The following PIGN variants were observed in gnomAD, a reference collection of about 807,000 sequenced individuals.
PIGN encodes the protein GPI ethanolamine phosphate transferase 1.
In PIGN, 117 loss-of-function variants were observed where a neutral mutation model predicts 125.4. The observed-to-expected ratio is 0.93, with a 90% CI of 0.80 to 1.09. The LOEUF is 1.09. Ranked by LOEUF, PIGN falls within the 50% of genes least tolerant of loss-of-function variation. The pLI, the probability that PIGN is intolerant of heterozygous loss-of-function variation, is 0.00. For missense variants in PIGN, 1,075 were observed against 1,094.9 expected (o/e 0.98, Z 0.26); for synonymous variants, 392 against 377.8 (o/e 1.04, Z -0.44).
chr18:62,036,216 C>CTTT (rs905415461), downstream of PIGN, among the ~76,000 whole-genome samples: 1 of 151,164 alleles, frequency 6.6e-6, no homozygotes, highest in African/African-American at 2.4e-5. Context: ...AGTTTTTTTT[C>CTTT]TTTTTTTTTC....
chr18:62,085,001 G>A (rs968298929), intron 26 of PIGN, among the ~76,000 whole-genome samples: 1 of 151,998 alleles, frequency 6.6e-6, no homozygotes. Context: ...CCAGCTACTC[G>A]GGAGGCTGAG....
chr18:62,145,868 T>G (rs775537717), intron 10 of PIGN, 41 bp downstream of exon 10: 22 of 965,372 alleles, frequency 2.3e-5, no homozygotes, highest in African/African-American at 1.6e-5. Flanking sequence ...GTTCTTATTT[T>G]AAGAGGTTGT....
intron 1 of PIGN, among the ~76,000 whole-genome samples, chr18:62,179,112 G>T (rs2037627870): frequency 6.6e-6 from 1 of 152,114 alleles, no homozygotes; most frequent in Non-Finnish European, 1.5e-5. Flanking sequence ...TGGGGTTATG[G>T]GTTCAGGAGA....
chr18:62,140,454 GAAGT>G lies in PIGN; in HGVS notation c.985_988del (p.Thr329ProfsTer44). 1 of 1,556,772 alleles carries G rather than the reference GAAGT, an allele frequency of 6.4e-7. No homozygotes were observed. The highest frequency in any genetic ancestry group is 2.3e-5 in the East Asian group (1 of 43,874). On this transcript the variant is annotated frameshift_variant, in exon 12 of 31. Coordinates refer to ENST00000640252, the MANE Select transcript of PIGN (RefSeq NM_176787.5). LOFTEE classifies it high-confidence loss of function. ...AAGAGGAAAGGGAACTCCAATAAGG[GAAGT>G]CATCAATGGTGCAATATCAGCCTAC... is the stretch of plus-strand genomic sequence containing the variant.
intron 14 of PIGN, among the ~76,000 whole-genome samples, chr18:62,129,310 A>G (rs1478392768): frequency 2.0e-5 from 3 of 152,274 alleles, no homozygotes; most frequent in African/African-American, 7.2e-5. Flanking sequence ...TCCCACCTTA[A>G]GTCCACATTC....
chr18:62,162,744 T>C (rs1345376636), intron 2 of PIGN, among the ~76,000 whole-genome samples: 2 of 152,148 alleles, frequency 1.3e-5, no homozygotes, highest in Admixed American at 6.6e-5. Flanking sequence ...TCATATAGCA[T>C]ATTCCCTCCC....
chr18:62,062,118 A>T (rs1004380820), intron 30 of PIGN, among the ~76,000 whole-genome samples: 7 of 152,166 alleles, frequency 4.6e-5, no homozygotes, highest in African/African-American at 1.2e-4. Flanking sequence ...TTGCAGCATC[A>T]ATCAGGGGCA....
chr18:62,112,939 T>C, intron 16 of PIGN, 195 bp downstream of exon 16: 1 of 525,930 alleles, frequency 1.9e-6, no homozygotes, highest in Non-Finnish European at 3.3e-6. Context: ...TATAGGATCA[T>C]TATTATCAAT....
chr18:62,162,782 T>C (rs529584428), intron 2 of PIGN, among the ~76,000 whole-genome samples: 17 of 152,262 alleles, frequency 1.1e-4, no homozygotes, highest in African/African-American at 3.6e-4. Flanking sequence ...AAATCAACTT[T>C]CCATTTTCTG....
In PIGN at chr18:62,047,729, A is replaced by C. The variant is rs78259181; in HGVS notation, c.2673-1750T>G. Among the ~76,000 whole-genome samples the C allele has an allele frequency of 9.7e-3, 1,478 of 152,258 alleles. 47 individuals carry two copies. The highest frequency in any genetic ancestry group is 0.069 in the East Asian group (355 of 5,168). On this transcript the variant is annotated intron_variant, in intron 30 of 30. Coordinates refer to ENST00000640252, the MANE Select transcript of PIGN (RefSeq NM_176787.5). ...TCAGAAGCCAGTTAAAACAGGTTTAAATAAGACTGAGAATCTCATAACCAA... is the reference window on the plus strand; with the variant it reads ...TCAGAAGCCAGTTAAAACAGGTTTACATAAGACTGAGAATCTCATAACCAA...
chr18:62,186,514 A>G (rs2038028157), intron 1 of PIGN, among the ~76,000 whole-genome samples: 1 of 152,202 alleles, frequency 6.6e-6, no homozygotes, highest in South Asian at 2.1e-4. Flanking sequence ...CGATGTTCCC[A>G]GATCCAGGCA....
chr18:62,041,058 AT>A (rs1303974672), downstream of PIGN: 1 of 152,232 alleles, frequency 6.6e-6, no homozygotes, highest in Non-Finnish European at 1.5e-5. Context: ...ATTAAAGGAA[AT>A]TTTGATAACT....
chr18:62,086,627 T>C (rs919003996), intron 25 of PIGN, among the ~76,000 whole-genome samples: 2 of 151,606 alleles, frequency 1.3e-5, no homozygotes, highest in Non-Finnish European at 2.9e-5. Flanking sequence ...TGTTTTTTTT[T>C]TTTTTTTAAA....
intron 30 of PIGN, among the ~76,000 whole-genome samples, chr18:62,071,055 C>T (rs997085287): frequency 6.6e-6 from 1 of 152,096 alleles, no homozygotes; most frequent in Non-Finnish European, 1.5e-5. Flanking sequence ...GCAGTCCTCC[C>T]ACCTCGGCCT....
chr18:62,154,762 C>T (rs998204384), intron 6 of PIGN, 111 bp from the exon 7 acceptor site: 2 of 653,466 alleles, frequency 3.1e-6, no homozygotes, highest in Non-Finnish European at 5.4e-6. Flanking sequence ...TTTCACAAAG[C>T]ATTGTTCATT....
intron 7 of PIGN, chr18:62,154,284 T>A (rs1222638124): frequency 1.1e-5 from 5 of 472,734 alleles, no homozygotes; most frequent in Non-Finnish European, 1.8e-5. Context: ...TTACCCAGGA[T>A]GAATCACAAA....
intron 23 of PIGN, among the ~76,000 whole-genome samples, chr18:62,092,806 A>G (rs773175727): frequency 5.3e-5 from 8 of 152,072 alleles, no homozygotes; most frequent in Non-Finnish European, 8.8e-5. Context: ...TTGAAAAACA[A>G]ATATTTACAA....
At chr18:62,182,244 G>A (rs1455997861) in intron 1 of PIGN, among the ~76,000 whole-genome samples, 5 of 152,124 alleles carry the variant, frequency 3.3e-5, no homozygotes, top group African/African-American at 9.7e-5. Context: ...TACCTAATAT[G>A]CAAAAGCCTC....
In PIGN at chr18:62,044,206, T is replaced by TA. The variant is rs958548838; in HGVS notation, c.*1649dup. On this transcript the variant is annotated 3_prime_UTR_variant, in exon 31 of 31. Coordinates refer to ENST00000640252, the MANE Select transcript of PIGN (RefSeq NM_176787.5). The stretch of plus-strand genomic sequence containing the variant: ...CCTCAAAGAGCAAAATAAAGAAAGA[T>TA]AAAAAAACTGAGCACCCTTTACAAT... 9 of 152,094 alleles carry TA rather than the reference T, an allele frequency of 5.9e-5. No homozygotes were observed. Among genetic ancestry groups the TA allele is most frequent in the Admixed American group, 2.6e-4 (4 of 15,272 alleles). The allele number at this position is 152,094 out of a possible 1,614,324, so 9.4% of individuals were successfully genotyped here.
Sources: gnomAD v4.1 joint callset for allele counts (sites outside exome capture counted in the v4.1 genomes callset) on GRCh38, gnomAD v4.1.1 for gene constraint, MANE v1.5 for transcripts, NCBI Gene and HGNC (gene_info 2026-07-23, HGNC 2026-07-21) for gene names.